Variants in LINGO2 observed in about 807,000 individuals in gnomAD.
The protein encoded by LINGO2 is leucine rich repeat and Ig domain containing 2, also known as leucine-rich repeat and immunoglobulin-like domain-containing nogo receptor-interacting protein 2.
LINGO2 carries 14 observed loss-of-function variants against 30.6 expected under a neutral mutation model. That is an observed-to-expected ratio of 0.46 (90% CI 0.30 to 0.72). The LOEUF is 0.72. Ranked by LOEUF, LINGO2 falls within the 30% of genes least tolerant of loss-of-function variation. The probability of loss-of-function intolerance (pLI) is 0.07; values close to 1 mark genes in which losing one functional copy is unlikely to be tolerated. For synonymous variants in LINGO2, 317 were observed against 288.5 expected, an observed-to-expected ratio of 1.10 and a Z score of -1.00; for missense variants, 729 against 751.7, an observed-to-expected ratio of 0.97 and a Z score of 0.35.
the LINGO2 span, among the ~76,000 whole-genome samples, chr9:29,072,682 C>G: frequency 6.6e-3 from 986 of 149,350 alleles, 16 homozygotes; most frequent in African/African-American, 0.023. Context: ...CCTTCTTCCC[C>G]CTCTTATCAT....
At chr9:29,098,399 G>A in the LINGO2 span, among the ~76,000 whole-genome samples, 1 of 151,992 alleles carries the variant, frequency 6.6e-6, no homozygotes, top group Non-Finnish European at 1.5e-5. Flanking sequence ...ATCTAATCTT[G>A]GGAAGATTCA....
the LINGO2 span, among the ~76,000 whole-genome samples, chr9:29,205,990 T>A: frequency 6.6e-6 from 1 of 152,364 alleles, no homozygotes; most frequent in South Asian, 2.1e-4. Flanking sequence ...TGGTGTTTTT[T>A]GTTACTGGCT....
At chr9:28,972,739 T>C in the LINGO2 span, among the ~76,000 whole-genome samples, 83 of 152,280 alleles carry the variant, frequency 5.5e-4, no homozygotes, top group Middle Eastern at 3.4e-3. Context: ...CTGAGAATCA[T>C]TGCAGAAGGT....
the LINGO2 span, among the ~76,000 whole-genome samples, chr9:28,739,172 T>G: frequency 1.3e-5 from 2 of 151,974 alleles, no homozygotes; most frequent in Non-Finnish European, 1.5e-5. Context: ...TGGGCAGTAC[T>G]TTTCCAAAAA....
At chr9:28,699,691 G>T in the LINGO2 span, among the ~76,000 whole-genome samples, 17,441 of 151,906 alleles carry the variant, frequency 0.11, 1,161 homozygotes, top group African/African-American at 0.18. Flanking sequence ...GGAAGATATT[G>T]CTAAATTCTT....
intron 4 of LINGO2, among the ~76,000 whole-genome samples, chr9:28,119,238 A>G (rs1267845199): frequency 1.3e-5 from 2 of 152,138 alleles, no homozygotes; most frequent in Non-Finnish European, 2.9e-5. Context: ...AGGGTTCCCA[A>G]CCTAGAAACC....
chr9:28,482,586 C>T (rs1826018048), intron 1 of LINGO2, among the ~76,000 whole-genome samples: 2 of 152,102 alleles, frequency 1.3e-5, no homozygotes, highest in African/African-American at 4.8e-5. Context: ...CCTGTTCACT[C>T]TGATGGTAGT....
chr9:28,047,397 C>T (rs1020417489), intron 4 of LINGO2, among the ~76,000 whole-genome samples: 3 of 151,440 alleles, frequency 2.0e-5, no homozygotes, highest in Non-Finnish European at 4.4e-5. Flanking sequence ...TTTTCATATT[C>T]AAACAGATAG....
the LINGO2 span, among the ~76,000 whole-genome samples, chr9:29,131,502 G>GA: frequency 6.6e-6 from 1 of 151,904 alleles, no homozygotes. Context: ...TTGGGCCCTT[G>GA]AAAAAAATGC....
intron 1 of LINGO2, among the ~76,000 whole-genome samples, chr9:28,560,568 A>C (rs890948693): frequency 4.6e-5 from 7 of 152,106 alleles, no homozygotes; most frequent in African/African-American, 1.7e-4. Flanking sequence ...AAGAATTATG[A>C]CTAATATAAA....
At chr9:28,589,164 G>A (rs1824732274) in intron 1 of LINGO2, among the ~76,000 whole-genome samples, 1 of 152,008 alleles carries the variant, frequency 6.6e-6, no homozygotes, top group South Asian at 2.1e-4. Context: ...AATAATAAGA[G>A]CTATCTATGA....
chr9:29,074,968 G>A, the LINGO2 span, among the ~76,000 whole-genome samples: 2 of 151,784 alleles, frequency 1.3e-5, no homozygotes, highest in Non-Finnish European at 2.9e-5. Context: ...GAGCCACCGC[G>A]CCAGGCCCAT....
chr9:28,654,224 A>C (rs1392773237), intron 1 of LINGO2, among the ~76,000 whole-genome samples: 2 of 152,148 alleles, frequency 1.3e-5, no homozygotes, highest in Non-Finnish European at 2.9e-5. Flanking sequence ...AAAGCTTTGA[A>C]CTAACAAATT....
At chr9:29,129,761 G>C in the LINGO2 span, among the ~76,000 whole-genome samples, 1 of 152,106 alleles carries the variant, frequency 6.6e-6, no homozygotes, top group Non-Finnish European at 1.5e-5. Flanking sequence ...AGGGGAAACA[G>C]ATATGAAGAA....
intron 1 of LINGO2, among the ~76,000 whole-genome samples, chr9:28,558,000 GT>G (rs1330988633): frequency 8.9e-6 from 1 of 112,880 alleles, no homozygotes; most frequent in Non-Finnish European, 1.7e-5. Flanking sequence ...CTGTGGTGGG[GT>G]GGGGGGAGGG....
the LINGO2 span, among the ~76,000 whole-genome samples, chr9:28,981,524 A>C: frequency 6.6e-6 from 1 of 152,064 alleles, no homozygotes; most frequent in Admixed American, 6.6e-5. Context: ...CATCACTTTC[A>C]AATGAAGGCA....
intron 1 of LINGO2, among the ~76,000 whole-genome samples, chr9:28,572,479 A>G: frequency 6.6e-6 from 1 of 152,056 alleles, no homozygotes; most frequent in Non-Finnish European, 1.5e-5. Flanking sequence ...ATTTTTTGAA[A>G]TCCAGTACAA....
chr9:28,262,751 A>C (rs1822609116), intron 4 of LINGO2, among the ~76,000 whole-genome samples: 1 of 151,984 alleles, frequency 6.6e-6, no homozygotes, highest in African/African-American at 2.4e-5. Flanking sequence ...TTGAAGGATA[A>C]GTTACTAAGT....
chr9:28,775,641 A>T, the LINGO2 span, among the ~76,000 whole-genome samples: 1 of 152,184 alleles, frequency 6.6e-6, no homozygotes, highest in Admixed American at 6.5e-5. Flanking sequence ...ATGAACTTAC[A>T]TGAGTCCTGC....
Sources: allele counts gnomAD v4.1 joint callset (sites outside exome capture counted in the v4.1 genomes callset), GRCh38; gene constraint gnomAD v4.1.1; transcripts MANE v1.5; gene names NCBI Gene and HGNC (gene_info 2026-07-23, HGNC 2026-07-21).